The following PTPRH variants were observed in gnomAD, a reference collection of about 807,000 sequenced individuals.
PTPRH encodes the protein receptor-type tyrosine-protein phosphatase H.
PTPRH carries 113 observed loss-of-function variants against 130.2 expected under a neutral mutation model. The ratio of observed to expected loss-of-function variants is 0.87; its 90% confidence interval spans 0.75 to 1.01. PTPRH has a LOEUF of 1.01. PTPRH is among the 50% of genes least tolerant of loss of function. PTPRH has a pLI of 0.00. For missense variants in PTPRH, 1,430 were observed against 1,425.0 expected (o/e 1.00, Z -0.06); for synonymous variants, 556 against 577.9 (o/e 0.96, Z 0.54).
At chr19:55,188,880 G>A (rs556579519) in intron 12 of PTPRH, among the ~76,000 whole-genome samples, 6 of 152,328 alleles carry the variant, frequency 3.9e-5, no homozygotes, top group South Asian at 2.1e-4. Context: ...TCCTCTGTCC[G>A]TCTTAAAAGG....
rs756815123 is a variant in PTPRH at position 55,205,404 on chromosome 19, C to T, written c.541G>A (p.Gly181Arg). The change falls in exon 4 of 20, where the codon GGG becomes AGG. Residue 181 changes from glycine (G) to arginine (R), a missense_variant. Gly to Arg is a moderately radical substitution (Grantham distance 125). Transcript: ENST00000376350. ...CACATGGAAAACGCATACAAACACC[C>T]GGGTTCAAGTCCATCCACGGTGATG... ...TNITVDGLEP[G>R]CLYAFSMWVG... 1.9e-5 allele frequency: 31 copies of T among 1,614,100 alleles called. No homozygotes were observed. The highest frequency in any genetic ancestry group is 2.3e-5 in the Non-Finnish European group (27 of 1,180,054).
At chr19:55,202,466 G>A (rs1042817411) in intron 5 of PTPRH, 144 bp from the exon 6 acceptor site, 2 of 1,291,954 alleles carry the variant, frequency 1.5e-6, no homozygotes, top group Non-Finnish European at 1.0e-6. Flanking sequence ...AGTTCCACGT[G>A]AGTGTTGAGC....
rs776027233 is a variant in PTPRH, at chr19:55,197,191, G to A, written c.1916C>T (p.Thr639Met). 97 of 1,614,112 alleles carry A rather than the reference G, an allele frequency of 6.0e-5. No individual in the cohort carries two copies. The highest frequency in any genetic ancestry group is 1.6e-4 in the Middle Eastern group (1 of 6,084). The change falls in exon 9 of 20, where the codon ACG (threonine) becomes ATG (methionine). Residue 639 changes from threonine (T) to methionine (M), a missense_variant. Thr to Met is a moderately conservative substitution (Grantham distance 81). Transcript: ENST00000376350. ...WYKVEALEPG[T>M]LYNFTVWAER... is the part of the protein sequence containing the mutation. Reference sequence around the variant, plus strand: ...TGCCCACACGGTGAAATTGTACAACGTCCCGGGTTCCAGGGCCTCCACTTT... The same window carrying A: ...TGCCCACACGGTGAAATTGTACAACATCCCGGGTTCCAGGGCCTCCACTTT...
chr19:55,197,008 A>C, intron 9 of PTPRH, 109 bp downstream of exon 9: 1 of 1,388,242 alleles, frequency 7.2e-7, no homozygotes, highest in Non-Finnish European at 9.9e-7. Context: ...GCAGCTCATG[A>C]AGTCATGGCC....
chr19:55,197,262 T>C lies in PTPRH; in HGVS notation c.1845A>G (p.Gln615=), dbSNP rs2086715514. ...TGCTGGTCTGGTTGACCCAATTCGCTTGGGGATCTTGCCCCCTCCGGGGAT... is the reference window on the plus strand; with the variant it reads ...TGCTGGTCTGGTTGACCCAATTCGCCTGGGGATCTTGCCCCCTCCGGGGAT... ...KGHPRRGQDP[Q]ANWVNQTSRT... The change falls in exon 9 of 20, where the codon CAA becomes CAG. Residue 615 remains glutamine (Q), a synonymous_variant. Coordinates refer to ENST00000376350, the MANE Select transcript of PTPRH (RefSeq NM_002842.5). 9.3e-6 allele frequency: 15 copies of C among 1,614,252 alleles called. No homozygotes were observed. The highest frequency in any genetic ancestry group is 1.7e-5 in the Admixed American group (1 of 60,024).
At chr19:55,203,734 C>A (rs758346194) in intron 5 of PTPRH, 48 bp downstream of exon 5, 1 of 1,560,982 alleles carries the variant, frequency 6.4e-7, no homozygotes, top group Non-Finnish European at 8.7e-7. Context: ...CACCCCCTAC[C>A]ACTGTCCTTA....
chr19:55,189,746 C>T (rs1310458740), intron 12 of PTPRH: 8 of 455,712 alleles, frequency 1.8e-5, no homozygotes, highest in East Asian at 1.4e-4. Flanking sequence ...TTTGGGAGGC[C>T]GAGGTGGAAG....
rs751410557 is a variant in PTPRH at position 55,197,337 on chromosome 19, G to A, written c.1770C>T (p.Asp590=). The A allele has an allele frequency of 1.2e-6, 2 of 1,614,204 alleles. No homozygotes were observed. Among genetic ancestry groups the A allele is most frequent in the Admixed American group, 1.7e-5 (1 of 60,020 alleles). The part of the protein sequence containing the change: ...SVMLWWKAPG[D]PHSQLYVYWV... Reference sequence around the variant, plus strand: ...AGTATACGTACAACTGAGAGTGGGGGTCTCCAGGGGCCTTCCACCACAGCA... The same window carrying A: ...AGTATACGTACAACTGAGAGTGGGGATCTCCAGGGGCCTTCCACCACAGCA... The change falls in exon 9 of 20, where the codon GAC becomes GAT. Residue 590 remains aspartate, a synonymous_variant. Transcript: ENST00000376350.
At position 55,202,050 on chromosome 19, in the gene PTPRH, T is replaced by A. The variant is rs1276928298; in HGVS notation, c.1153+6A>T. On this transcript the variant is annotated splice_donor_region_variant and intron_variant, in intron 6 of 19. Coordinates refer to ENST00000376350, the MANE Select transcript of PTPRH (RefSeq NM_002842.5). ...AGAGATCAAACAAATGGCGACTGCC[T>A]CTCACCTGTGGTGGCATTTCGAGTC... 3 of 1,613,084 alleles carry A rather than the reference T, an allele frequency of 1.9e-6. No homozygotes were observed. The African/African-American group carries it at 4.0e-5, about 22-fold the overall frequency.
rs2086166738 is a variant in PTPRH, at chr19:55,181,358, G to A, written c.*396C>T. The A allele has an allele frequency of 5.4e-6, 1 of 186,632 alleles. No homozygotes were observed. The highest frequency in any genetic ancestry group is 1.2e-4 in the South Asian group (1 of 8,030). 11.6% of individuals were successfully genotyped at this position (186,632 alleles called of 1,614,324 possible). A position where few individuals can be genotyped will look rare whatever the true frequency, so the allele number is the denominator to read the frequency against. On this transcript the variant is annotated 3_prime_UTR_variant, in exon 20 of 20. Transcript: ENST00000376350. ...GGACTCCCTCCGACCCCAGATTATA[G>A]AAGACTGATTTGGTTTCTGAAGTAA...
chr19:55,197,654 C>T (rs1211756172), intron 8 of PTPRH, among the ~76,000 whole-genome samples: 1 of 152,168 alleles, frequency 6.6e-6, no homozygotes, highest in African/African-American at 2.4e-5. Flanking sequence ...TCTGTTCTTC[C>T]CAAATGCACA....
rs1160011335 is a variant in PTPRH at position 55,185,909 on chromosome 19, C to G, written c.2854G>C (p.Glu952Gln). Residue 952 changes from glutamate to glutamine, a missense_variant, in exon 17 of 20, where the codon GAG becomes CAG. Coordinates refer to ENST00000376350, the MANE Select transcript of PTPRH (RefSeq NM_002842.5). Reference sequence around the variant, plus strand: ...ACCGTCCAGTTCTCCATCACTTCCTCACCTACCAGGGTTACCCGCAGGTGC... The same window carrying G: ...ACCGTCCAGTTCTCCATCACTTCCTGACCTACCAGGGTTACCCGCAGGTGC... ...HGHLRVTLVG[E>Q]EVMENWTVRE... 3.7e-6 allele frequency: 6 copies of G among 1,614,066 alleles called. No individual in the cohort carries two copies. The highest frequency in any genetic ancestry group is 5.1e-6 in the Non-Finnish European group (6 of 1,180,042).
Position 55,186,458 on chromosome 19 carries a change from C to A in PTPRH, c.2643+6G>T, listed in dbSNP as rs768444908. Reference sequence around the variant, plus strand: ...GGCACCCTTTCAATCCCAACCACGACCTTACGGGCATGAAGCTGGCATTGA... The same window carrying A: ...GGCACCCTTTCAATCCCAACCACGAACTTACGGGCATGAAGCTGGCATTGA... On this transcript the variant is annotated splice_donor_region_variant and intron_variant, in intron 15 of 19. Transcript: ENST00000376350. The A allele has an allele frequency of 4.3e-6, 7 of 1,614,174 alleles. No homozygotes were observed. In the East Asian group the frequency reaches 1.3e-4, roughly 31 times the overall value.
intron 5 of PTPRH, among the ~76,000 whole-genome samples, chr19:55,203,258 C>T (rs1185398322): frequency 1.4e-5 from 2 of 138,674 alleles, no homozygotes; most frequent in African/African-American, 5.5e-5. Context: ...ACCCGGGAGG[C>T]AGAGCTTGCA....
intron 7 of PTPRH, among the ~76,000 whole-genome samples, chr19:55,199,744 A>AGAGG (rs201811666): frequency 0.13 from 12,649 of 98,848 alleles, 1,095 homozygotes; most frequent in Admixed American, 0.3. Context: ...GGAAGGAAAG[A>AGAGG]GAAGGAAAGA....
intron 8 of PTPRH, among the ~76,000 whole-genome samples, chr19:55,198,128 A>T (rs770651901): frequency 6.6e-6 from 1 of 152,050 alleles, no homozygotes; most frequent in Non-Finnish European, 1.5e-5. Flanking sequence ...GAGGTGGGAG[A>T]ATCAGTTGAG....
intron 4 of PTPRH, 116 bp from the exon 5 acceptor site, chr19:55,204,164 G>T: frequency 8.4e-7 from 1 of 1,195,880 alleles, no homozygotes; most frequent in Non-Finnish European, 1.1e-6. Context: ...CTGTCATCCA[G>T]GCTGGAGTGC....
chr19:55,187,417 A>T, intron 14 of PTPRH, 96 bp downstream of exon 14: 1 of 741,758 alleles, frequency 1.3e-6, no homozygotes, highest in South Asian at 1.8e-5. Context: ...GGTAGGGGGC[A>T]GGACTTGTTT....
intron 12 of PTPRH, among the ~76,000 whole-genome samples, chr19:55,189,357 G>A (rs2147421985): frequency 6.6e-6 from 1 of 152,222 alleles, no homozygotes; most frequent in South Asian, 2.1e-4. Flanking sequence ...TGTGTCACTA[G>A]CCTATTCAAA....
Sources: allele counts gnomAD v4.1 joint callset (sites outside exome capture counted in the v4.1 genomes callset), GRCh38; gene constraint gnomAD v4.1.1; transcripts MANE v1.5; gene names NCBI Gene and HGNC (gene_info 2026-07-23, HGNC 2026-07-21).